TRPM8: variants seen among roughly 807,000 people sequenced by gnomAD.
TRPM8 encodes the protein TRPM8 cationic channel.
TRPM8 carries 110 observed loss-of-function variants against 133.7 expected under a neutral mutation model. The observed-to-expected ratio is 0.82, with a 90% CI of 0.70 to 0.96. The LOEUF is 0.96. TRPM8 is among the 40% of genes least tolerant of loss of function. The pLI, the probability that TRPM8 is intolerant of heterozygous loss-of-function variation, is 0.00. For synonymous variants in TRPM8, 535 were observed against 532.3 expected (o/e 1.01, Z -0.07); for missense variants, 1,291 against 1,379.5 (o/e 0.94, Z 1.02).
At position 233,960,781 on chromosome 2, in the gene TRPM8, T is replaced by C. The variant is rs1471223500; in HGVS notation, c.1368T>C (p.Ala456=). The change falls in exon 12 of 26, where the codon GCT becomes GCC. Residue 456 remains alanine (A), a synonymous_variant. Transcript: ENST00000324695. ...IFTNDRRWES[A]DLQEVMFTAL... is the part of the protein sequence containing the mutation. ...TCTCTGTTCTTTCTCCTTAGTCTGC[T>C]GACCTTCAAGAAGTCATGTTTACGG... is the stretch of plus-strand genomic sequence containing the variant. 1.2e-6 allele frequency: 2 copies of C among 1,613,758 alleles called. No individual in the cohort carries two copies. Among genetic ancestry groups the C allele is most frequent in the Non-Finnish European group, 8.5e-7 (1 of 1,179,768 alleles).
chr2:233,935,048 T>A (rs565960924), intron 3 of TRPM8, among the ~76,000 whole-genome samples: 1 of 152,364 alleles, frequency 6.6e-6, no homozygotes, highest in African/African-American at 2.4e-5. Context: ...AAGCTTGTAT[T>A]CTGGAAGGAA....
chr2:233,942,492 G>C, intron 5 of TRPM8, 84 bp from the exon 6 acceptor site: 3 of 1,355,952 alleles, frequency 2.2e-6, no homozygotes, highest in Non-Finnish European at 1.1e-6. Context: ...CAGGGATGGG[G>C]CCTTTATTTT....
At chr2:234,000,456 C>G (rs1692527356) in intron 22 of TRPM8, among the ~76,000 whole-genome samples, 1 of 152,088 alleles carries the variant, frequency 6.6e-6, no homozygotes, top group Non-Finnish European at 1.5e-5. Flanking sequence ...TAGAAAATGA[C>G]CTTTGGCAAT....
In TRPM8 at chr2:233,930,686, C is replaced by T. The variant is rs753500575; in HGVS notation, c.136C>T (p.Gln46Ter). 8 of 1,608,198 alleles carry T rather than the reference C, an allele frequency of 5.0e-6. No individual in the cohort carries two copies. The change falls in exon 3 of 26, where the codon CAA becomes TAA. Residue 46 changes from glutamine to a stop codon, truncating the protein, a stop_gained. Coordinates refer to ENST00000324695, the MANE Select transcript of TRPM8 (RefSeq NM_024080.5). LOFTEE classifies it high-confidence loss of function. ...TCCAAAGGACTTGGTGAATTTTATT[C>T]AAGCAAATTTTAAGAAACGAGAATG... The part of the protein sequence containing the change: ...YSESDLVNFI[Q>*]ANFKKRECVF...
chr2:233,966,577 C>T, intron 14 of TRPM8, 33 bp from the exon 15 acceptor site: 2 of 1,613,332 alleles, frequency 1.2e-6, no homozygotes, highest in Non-Finnish European at 1.7e-6. Context: ...GCAGCTCTTA[C>T]ACCAGCTTCT....
chr2:233,984,438 G>A (rs73120779), intron 20 of TRPM8, among the ~76,000 whole-genome samples: 1,999 of 152,240 alleles, frequency 0.013, 34 homozygotes, highest in African/African-American at 0.044. Flanking sequence ...TCCTGTGAAG[G>A]TCTGCTGCCA....
In TRPM8 at chr2:233,960,896, G is replaced by C; in HGVS notation, c.1483G>C (p.Glu495Gln). The change falls in exon 12 of 26, where the codon GAA (glutamate) becomes CAA (glutamine). Residue 495 changes from glutamate to glutamine, a missense_variant. Physicochemically the swap from Glu to Gln is conservative, Grantham distance 29. Transcript: ENST00000324695. Reference protein sequence around the residue: ...RKFLTHDVLTELFSNHFSTLV... With the variant: ...RKFLTHDVLTQLFSNHFSTLV... ...GTTTCTCACCCATGATGTCCTCACT[G>C]AACTCTTCTCCAACCACTTCAGCAC... The C allele has an allele frequency of 6.2e-7, 1 of 1,614,136 alleles. No homozygotes were observed. The highest frequency in any genetic ancestry group is 1.3e-5 in the African/African-American group (1 of 75,022).
At position 233,983,088 on chromosome 2, in the gene TRPM8, G is replaced by T; in HGVS notation, c.2625G>T (p.Ala875=). Residue 875 remains alanine, a synonymous_variant, in exon 20 of 26, where the codon GCG becomes GCT. Coordinates refer to ENST00000324695, the MANE Select transcript of TRPM8 (RefSeq NM_024080.5). ...IDVFFFLFLF[A]VWMVAFGVAR... ...TGTTCTTCTTCCTGTTCCTCTTTGC[G>T]GTGTGGATGGTGGCCTTTGGCGTGG... 6.2e-7 allele frequency: 1 copy of T among 1,614,112 alleles called. No homozygotes were observed. The highest frequency in any genetic ancestry group is 8.5e-7 in the Non-Finnish European group (1 of 1,179,988).
At chr2:233,986,808 T>A (rs890587999) in intron 21 of TRPM8, among the ~76,000 whole-genome samples, 2 of 152,084 alleles carry the variant, frequency 1.3e-5, no homozygotes, top group Admixed American at 1.3e-4. Flanking sequence ...CATAGAAAAC[T>A]TGTCAGAGAA....
At chr2:233,954,810 G>C (rs191125533) in intron 10 of TRPM8, among the ~76,000 whole-genome samples, 1 of 152,314 alleles carries the variant, frequency 6.6e-6, no homozygotes, top group East Asian at 1.9e-4. Context: ...TGTAGCATAA[G>C]TCAGATATGG....
rs190431020 is a variant in TRPM8, at chr2:233,978,716, A to G, written c.2356-1472A>G. ...TTTTCCCTGCAACAAAAATGCTGCA[A>G]TAAACATCCTATTTACTGAATAAAA... On this transcript the variant is annotated intron_variant, in intron 17 of 25. Transcript: ENST00000324695. 9.2e-5 allele frequency among the ~76,000 whole-genome samples: 14 copies of G among 152,316 alleles called. No homozygotes were observed. In the East Asian group the frequency reaches 1.7e-3, roughly 19 times the overall value.
In TRPM8 at chr2:233,950,039, G is replaced by A. The variant is rs200856718; in HGVS notation, c.1033G>A (p.Val345Met). ...TGATGTGATCGCTAGCCTGGTGGAGGTGGAGGATGCCCTGACATCTTCTGC... is the reference window on the plus strand; with the variant it reads ...TGATGTGATCGCTAGCCTGGTGGAGATGGAGGATGCCCTGACATCTTCTGC... The part of the protein sequence containing the change: ...IADVIASLVE[V>M]EDALTSSAVK... The change falls in exon 9 of 26, where the codon GTG becomes ATG. Residue 345 changes from valine to methionine, a missense_variant. Val to Met is a conservative substitution (Grantham distance 21). Around this residue, in one of 2 missense-constraint regions of TRPM8, gnomAD observed 963 missense variants for 968.9 expected, o/e 0.99. Coordinates refer to ENST00000324695, the MANE Select transcript of TRPM8 (RefSeq NM_024080.5). The A allele has an allele frequency of 1.2e-6, 2 of 1,614,194 alleles. No homozygotes were observed. The highest frequency in any genetic ancestry group is 4.5e-5 in the East Asian group (2 of 44,886).
chr2:233,943,794 T>C (rs973958183), intron 6 of TRPM8, among the ~76,000 whole-genome samples: 4 of 152,222 alleles, frequency 2.6e-5, no homozygotes, highest in African/African-American at 4.8e-5. Context: ...CCCAGAAGCA[T>C]TGGACCAAAT....
chr2:234,011,419 C>T (rs1437971701), intron 24 of TRPM8, among the ~76,000 whole-genome samples: 2 of 151,784 alleles, frequency 1.3e-5, no homozygotes, highest in African/African-American at 4.8e-5. Context: ...GTTCTTTTTG[C>T]TCAAGATTGC....
chr2:233,947,511 C>T, intron 8 of TRPM8: 6 of 1,310,028 alleles, frequency 4.6e-6, no homozygotes, highest in Non-Finnish European at 6.0e-6. Flanking sequence ...TGATCATACA[C>T]ACACAGATTG....
chr2:233,945,042 A>C lies in TRPM8; in HGVS notation c.700-814A>C, dbSNP rs372324574. Among the ~76,000 whole-genome samples the C allele has an allele frequency of 4.6e-5, 7 of 151,676 alleles. No individual in the cohort carries two copies. In the East Asian group the frequency reaches 7.7e-4, roughly 17 times the overall value. ...TAGTATTCAGATTAATAAATTTAAA[A>C]AATAGTATCACCAGCAAAACTCTGA... On this transcript the variant is annotated intron_variant, in intron 6 of 25. Transcript: ENST00000324695.
At chr2:233,996,084 T>C (rs1692393716) in intron 21 of TRPM8, among the ~76,000 whole-genome samples, 1 of 150,896 alleles carries the variant, frequency 6.6e-6, no homozygotes, top group Middle Eastern at 3.4e-3. Flanking sequence ...TTGAGCATTT[T>C]TTTGTGATTA....
Position 233,939,165 on chromosome 2 carries a change from G to C in TRPM8, c.516G>C (p.Ala172=). The change falls in exon 5 of 26, where the codon GCG becomes GCC. Residue 172 remains alanine, a synonymous_variant. Coordinates refer to ENST00000324695, the MANE Select transcript of TRPM8 (RefSeq NM_024080.5). ...RKIFSRLIYI[A]QSKGAWILTG... is the part of the protein sequence containing the mutation. The stretch of plus-strand genomic sequence containing the variant: ...TCTTCAGCCGGCTCATCTACATCGC[G>C]CAGTCCAAAGGTGAGGGTGGGAGCA... The C allele has an allele frequency of 6.2e-7, 1 of 1,614,018 alleles. No homozygotes were observed. Among genetic ancestry groups the C allele is most frequent in the Non-Finnish European group, 8.5e-7 (1 of 1,180,036 alleles).
At chr2:233,942,849 G>C in intron 6 of TRPM8, 101 bp downstream of exon 6, 1 of 1,416,200 alleles carries the variant, frequency 7.1e-7, no homozygotes, top group African/African-American at 1.4e-5. Flanking sequence ...GAGCCAGCCA[G>C]ATCATGGGGA....
Sources: gnomAD v4.1 joint callset for allele counts (sites outside exome capture counted in the v4.1 genomes callset) on GRCh38, gnomAD v4.1.1 for gene constraint, gnomAD v4.1.1 regional missense constraint, MANE v1.5 for transcripts, NCBI Gene and HGNC (gene_info 2026-07-23, HGNC 2026-07-21) for gene names.